Variants in MYO6 observed in about 807,000 individuals in gnomAD.
The protein encoded by MYO6 is unconventional myosin-VI.
MYO6 carries 74 observed loss-of-function variants against 178.7 expected under a neutral mutation model. The observed-to-expected ratio is 0.41, with a 90% CI of 0.34 to 0.50. The LOEUF (loss-of-function observed/expected upper bound fraction) is 0.50. MYO6 is among the 20% of genes least tolerant of loss of function. The pLI, the probability that MYO6 is intolerant of heterozygous loss-of-function variation, is 0.09. For missense variants in MYO6, 1,330 were observed against 1,547.4 expected (o/e 0.86, Z 2.36); for synonymous variants, 477 against 504.6 (o/e 0.95, Z 0.73).
chr6:75,900,509 T>A (rs1447132026), intron 30 of MYO6, among the ~76,000 whole-genome samples: 1 of 151,858 alleles, frequency 6.6e-6, no homozygotes, highest in Non-Finnish European at 1.5e-5. Context: ...TTTTTTCATG[T>A]TTTTTTTGGC....
At chr6:75,822,710 C>A in intron 2 of MYO6, 72 bp from the exon 3 acceptor site, 1 of 1,173,988 alleles carries the variant, frequency 8.5e-7, no homozygotes, top group Non-Finnish European at 1.3e-6. Context: ...GTGTATGCAA[C>A]CAATTAAGCC....
chr6:75,849,883 G>A (rs1303336593), intron 11 of MYO6, among the ~76,000 whole-genome samples: 4 of 151,998 alleles, frequency 2.6e-5, no homozygotes, highest in Non-Finnish European at 5.9e-5. Context: ...GGGAATTTAC[G>A]GGACTTTACA....
intron 1 of MYO6, among the ~76,000 whole-genome samples, chr6:75,787,720 CTCTCTCTCTCTATATATATATATA>C (rs1767770031): frequency 1.2e-4 from 4 of 34,480 alleles, no homozygotes; most frequent in African/African-American, 3.6e-4. Context: ...CTCTCTCTCT[CTCTCTCTCTCTATATATATATATA>C]TATATATATA....
chr6:75,765,970 G>T (rs900053299), intron 1 of MYO6, among the ~76,000 whole-genome samples: 1 of 152,182 alleles, frequency 6.6e-6, no homozygotes, highest in African/African-American at 2.4e-5. Context: ...TGAGATGGCA[G>T]TGTGATATAA....
Position 75,852,636 on chromosome 6 carries a change from T to TA in MYO6, c.1079-2501dup, listed in dbSNP as rs566868196. Among the ~76,000 whole-genome samples, 10 of 152,360 alleles carry TA rather than the reference T, an allele frequency of 6.6e-5. No individual in the cohort carries two copies. In the South Asian group the frequency reaches 2.1e-3, roughly 32 times the overall value. The stretch of plus-strand genomic sequence containing the variant: ...TGTGATTGGCTTCTTTCACTTAGCA[T>TA]AATGTTTTCAAGGTTAATCCATGTT... On this transcript the variant is annotated intron_variant, in intron 11 of 34. Coordinates refer to ENST00000369977, the MANE Select transcript of MYO6 (RefSeq NM_004999.4).
intron 7 of MYO6, among the ~76,000 whole-genome samples, chr6:75,838,635 T>TG: frequency 6.6e-6 from 1 of 150,784 alleles, no homozygotes; most frequent in South Asian, 2.1e-4. Flanking sequence ...CTTTGAAGAG[T>TG]GAGTTGACCA....
intron 13 of MYO6, 68 bp downstream of exon 13, chr6:75,857,322 A>T (rs1775805710): frequency 6.7e-7 from 1 of 1,485,808 alleles, no homozygotes; most frequent in African/African-American, 1.4e-5. Context: ...ATTTGTTCTT[A>T]AATCTTTTCT....
intron 3 of MYO6, among the ~76,000 whole-genome samples, chr6:75,824,136 C>T (rs780565820): frequency 6.6e-6 from 1 of 152,198 alleles, no homozygotes; most frequent in Non-Finnish European, 1.5e-5. Flanking sequence ...GTGTATGTCT[C>T]TAAATGTGAC....
chr6:75,890,368 A>T (rs913430458), intron 26 of MYO6, 103 bp downstream of exon 26: 2 of 1,514,900 alleles, frequency 1.3e-6, no homozygotes, highest in Non-Finnish European at 1.8e-6. Flanking sequence ...TGTTTTTGTG[A>T]CAGGGTCTTG....
chr6:75,919,468 A>G lies in MYO6; in HGVS notation c.*4456A>G, dbSNP rs1781315658. 6.6e-6 allele frequency: 1 copy of G among 152,648 alleles called. No homozygotes were observed. The highest frequency in any genetic ancestry group is 1.5e-5 in the Non-Finnish European group (1 of 68,036). 9.5% of individuals were successfully genotyped at this position (152,648 alleles called of 1,614,324 possible). A position where few individuals can be genotyped will look rare whatever the true frequency, so the allele number is the denominator to read the frequency against. Reference sequence around the variant, plus strand: ...TTTCCTCATTTCATTAAAAGTGTATATCTAATGCTTTCTCTAAAAATTGAT... The same window carrying G: ...TTTCCTCATTTCATTAAAAGTGTATGTCTAATGCTTTCTCTAAAAATTGAT... On this transcript the variant is annotated 3_prime_UTR_variant, in exon 35 of 35. Coordinates refer to ENST00000369977, the MANE Select transcript of MYO6 (RefSeq NM_004999.4).
At chr6:75,805,975 C>T (rs1213934985) in intron 1 of MYO6, among the ~76,000 whole-genome samples, 1 of 151,992 alleles carries the variant, frequency 6.6e-6, no homozygotes, top group Non-Finnish European at 1.5e-5. Context: ...ATATTGACCA[C>T]ATGGATTTTC....
intron 1 of MYO6, among the ~76,000 whole-genome samples, chr6:75,753,302 C>T (rs1026507862): frequency 9.2e-5 from 14 of 151,758 alleles, no homozygotes; most frequent in African/African-American, 3.4e-4. Flanking sequence ...TACAAAACCA[C>T]CACCTAATAT....
chr6:75,791,453 T>A (rs1326691014), intron 1 of MYO6, among the ~76,000 whole-genome samples: 2 of 152,182 alleles, frequency 1.3e-5, no homozygotes, highest in African/African-American at 4.8e-5. Flanking sequence ...TGAAACTTGA[T>A]TATCTGAAAA....
intron 20 of MYO6, among the ~76,000 whole-genome samples, chr6:75,875,897 T>C (rs1335976335): frequency 6.6e-6 from 1 of 152,208 alleles, no homozygotes; most frequent in Non-Finnish European, 1.5e-5. Context: ...TTTTACTGCT[T>C]AAAATGCTCT....
At chr6:75,887,062 A>C in intron 25 of MYO6, 68 bp downstream of exon 25, 2 of 1,474,256 alleles carry the variant, frequency 1.4e-6, no homozygotes, top group Non-Finnish European at 1.9e-6. Context: ...ATTGGTATTG[A>C]AATTGTATAG....
Position 75,844,897 on chromosome 6 carries a change from T to C in MYO6, c.817T>C (p.Tyr273His), listed in dbSNP as rs1774580973. 6.2e-7 allele frequency: 1 copy of C among 1,608,912 alleles called. No individual in the cohort carries two copies. The highest frequency in any genetic ancestry group is 8.5e-7 in the Non-Finnish European group (1 of 1,175,552). Residue 273 changes from tyrosine to histidine, a missense_variant and splice_region_variant, in exon 10 of 35, where the codon TAT becomes CAT. Coordinates refer to ENST00000369977, the MANE Select transcript of MYO6 (RefSeq NM_004999.4). Reference protein sequence around the residue: ...LHLSSPDNFRYLNRGCTRYFA... With the variant: ...LHLSSPDNFRHLNRGCTRYFA... ...TTATGTTTAATTTGTTTTGTCATAG[T>C]ATTTAAACCGAGGCTGCACTAGATA...
chr6:75,829,094 A>G (rs1309073597), intron 4 of MYO6, among the ~76,000 whole-genome samples: 1 of 152,168 alleles, frequency 6.6e-6, no homozygotes, highest in Non-Finnish European at 1.5e-5. Flanking sequence ...ATCTGAGGAA[A>G]TACTAAGAAC....
At chr6:75,858,602 AAAAT>A (rs759802134) in intron 13 of MYO6, among the ~76,000 whole-genome samples, 12 of 152,246 alleles carry the variant, frequency 7.9e-5, no homozygotes, top group Admixed American at 1.3e-4. Context: ...TCCTATCTCA[AAAAT>A]AAATAAATAA....
chr6:75,895,237 T>A lies in MYO6; in HGVS notation c.3114T>A (p.Asp1038Glu). 1 of 1,606,132 alleles carries A rather than the reference T, an allele frequency of 6.2e-7. No individual in the cohort carries two copies. Among genetic ancestry groups the A allele is most frequent in the Non-Finnish European group, 8.5e-7 (1 of 1,173,712 alleles). ...AQADLALRRN[D>E]GTRPKMTPEQ... ...AAATATATTCTTTTCACAGAAATGATGGAACAAGACCCAAAATGACACCGT... is the reference window on the plus strand; with the variant it reads ...AAATATATTCTTTTCACAGAAATGAAGGAACAAGACCCAAAATGACACCGT... The change falls in exon 29 of 35, where the codon GAT becomes GAA. Residue 1038 changes from aspartate (D) to glutamate (E), a missense_variant. Transcript: ENST00000369977.
Sources: allele counts gnomAD v4.1 joint callset (sites outside exome capture counted in the v4.1 genomes callset), GRCh38; gene constraint gnomAD v4.1.1; transcripts MANE v1.5; gene names NCBI Gene and HGNC (gene_info 2026-07-23, HGNC 2026-07-21).